DGKB: variants seen among roughly 807,000 people sequenced by gnomAD.
DGKB encodes the protein diacylglycerol kinase beta.
Under a neutral mutation model 114.3 loss-of-function variants are expected in DGKB, and 67 were observed. The observed-to-expected ratio is 0.59, with a 90% CI of 0.48 to 0.72. DGKB has a LOEUF of 0.72. DGKB is among the 30% of genes least tolerant of loss of function. DGKB has a pLI of 0.00. For missense variants in DGKB, 907 were observed against 975.2 expected (o/e 0.93, Z 0.93); for synonymous variants, 398 against 323.1 (o/e 1.23, Z -2.49).
intron 2 of DGKB, among the ~76,000 whole-genome samples, chr7:14,832,095 T>C (rs183510370): frequency 7.9e-5 from 12 of 152,272 alleles, no homozygotes; most frequent in African/African-American, 2.6e-4. Context: ...TTCCACACAT[T>C]ATTTTATTTG....
chr7:14,589,216 T>C (rs1160474996), intron 17 of DGKB, among the ~76,000 whole-genome samples: 1 of 152,006 alleles, frequency 6.6e-6, no homozygotes, highest in African/African-American at 2.4e-5. Context: ...TATATAAACA[T>C]ATTTGAGTGT....
At chr7:14,321,604 A>G (rs1424861866) in intron 23 of DGKB, among the ~76,000 whole-genome samples, 7 of 128,398 alleles carry the variant, frequency 5.5e-5, no homozygotes, top group Admixed American at 1.5e-4. Flanking sequence ...GAGAAATAAG[A>G]AAAAAAAAAA....
chr7:14,597,201 C>A (rs1490855803), intron 17 of DGKB, among the ~76,000 whole-genome samples: 1 of 152,014 alleles, frequency 6.6e-6, no homozygotes, highest in African/African-American at 2.4e-5. Flanking sequence ...GAGCAAGACT[C>A]CGTCTCAAAA....
upstream of DGKB, among the ~76,000 whole-genome samples, chr7:14,906,635 T>A (rs927570034): frequency 6.6e-6 from 1 of 151,976 alleles, no homozygotes; most frequent in Non-Finnish European, 1.5e-5. Context: ...TGTATTTTAG[T>A]GGAGACAGGG....
intron 21 of DGKB, among the ~76,000 whole-genome samples, chr7:14,349,887 G>A (rs564478543): frequency 8.5e-5 from 13 of 152,160 alleles, no homozygotes; most frequent in South Asian, 2.1e-4. Flanking sequence ...ATGGTAACTC[G>A]ACATTTAACC....
At chr7:14,362,003 T>C (rs1815839135) in intron 21 of DGKB, among the ~76,000 whole-genome samples, 1 of 152,028 alleles carries the variant, frequency 6.6e-6, no homozygotes, top group South Asian at 2.1e-4. Flanking sequence ...AGATACAGTA[T>C]TGAAATCAAA....
intron 20 of DGKB, among the ~76,000 whole-genome samples, chr7:14,544,760 G>A (rs1000501335): frequency 2.0e-5 from 3 of 152,092 alleles, no homozygotes; most frequent in African/African-American, 7.2e-5. Context: ...TTTTTTGACA[G>A]GAAAAGTCTT....
At chr7:14,223,466 T>C (rs908351740) in intron 23 of DGKB, among the ~76,000 whole-genome samples, 1 of 151,778 alleles carries the variant, frequency 6.6e-6, no homozygotes, top group Non-Finnish European at 1.5e-5. Flanking sequence ...TACAAACACG[T>C]TACTTTCCTA....
intron 4 of DGKB, among the ~76,000 whole-genome samples, chr7:14,743,375 C>T (rs369653782): frequency 4.6e-5 from 7 of 152,024 alleles, no homozygotes; most frequent in African/African-American, 1.7e-4. Flanking sequence ...AAAGGTTTTC[C>T]CTATTTTAAA....
intron 25 of DGKB, among the ~76,000 whole-genome samples, chr7:14,165,577 A>G (rs1295262607): frequency 1.3e-5 from 2 of 152,224 alleles, no homozygotes; most frequent in African/African-American, 2.4e-5. Context: ...AAAAATACCT[A>G]TTGTTTCTTG....
chr7:14,857,866 A>G (rs1200967159), intron 1 of DGKB, among the ~76,000 whole-genome samples: 2 of 152,126 alleles, frequency 1.3e-5, no homozygotes, highest in Non-Finnish European at 2.9e-5. Flanking sequence ...TTTATTATAC[A>G]CTTTTTTCAT....
chr7:14,658,591 A>C (rs943256183), intron 13 of DGKB, among the ~76,000 whole-genome samples: 4 of 151,958 alleles, frequency 2.6e-5, no homozygotes, highest in African/African-American at 9.7e-5. Flanking sequence ...TAAAGAAATA[A>C]TGAAATACTC....
chr7:14,791,122 T>C (rs1215628565), intron 2 of DGKB, among the ~76,000 whole-genome samples: 2 of 152,144 alleles, frequency 1.3e-5, no homozygotes, highest in Non-Finnish European at 2.9e-5. Context: ...TGAGTCACTG[T>C]GCCTGGCAGA....
chr7:14,200,460 T>G (rs1004424831), intron 23 of DGKB, among the ~76,000 whole-genome samples: 4 of 152,082 alleles, frequency 2.6e-5, no homozygotes, highest in African/African-American at 9.7e-5. Context: ...CCGTCCTCAT[T>G]TTTACACAGG....
intron 1 of DGKB, among the ~76,000 whole-genome samples, chr7:14,924,904 T>C (rs942649756): frequency 2.6e-5 from 4 of 152,150 alleles, no homozygotes; most frequent in African/African-American, 9.7e-5. Context: ...GATAATCACA[T>C]CAACCTCCCT....
intron 1 of DGKB, among the ~76,000 whole-genome samples, chr7:14,893,972 A>G (rs1781708817): frequency 6.6e-6 from 1 of 151,120 alleles, no homozygotes; most frequent in Non-Finnish European, 1.5e-5. Flanking sequence ...TCCAGAACCT[A>G]CTACTCTGAT....
At chr7:14,443,843 A>G (rs534395807) in intron 21 of DGKB, among the ~76,000 whole-genome samples, 1 of 152,140 alleles carries the variant, frequency 6.6e-6, no homozygotes, top group South Asian at 2.1e-4. Flanking sequence ...TAAATTCAGC[A>G]ACATTTTTTA....
intron 25 of DGKB, 55 bp downstream of exon 25, chr7:14,176,784 C>A: frequency 1.3e-6 from 2 of 1,570,286 alleles, no homozygotes; most frequent in Non-Finnish European, 8.7e-7. Context: ...GTTATTTAGT[C>A]AAAGAGGAAA....
intron 25 of DGKB, among the ~76,000 whole-genome samples, chr7:14,156,869 A>G (rs1783100928): frequency 6.6e-6 from 1 of 152,162 alleles, no homozygotes; most frequent in Admixed American, 6.5e-5. Flanking sequence ...ATGTATACTA[A>G]CATTCCTCAA....
Sources: allele counts gnomAD v4.1 joint callset (sites outside exome capture counted in the v4.1 genomes callset), GRCh38; gene constraint gnomAD v4.1.1; transcripts MANE v1.5; gene names NCBI Gene and HGNC (gene_info 2026-07-23, HGNC 2026-07-21).